Variants in MTMR8 observed in about 807,000 individuals in gnomAD.
MTMR8 encodes the protein myotubularin related protein 8, also known as phosphatidylinositol-3,5-bisphosphate 3-phosphatase MTMR8.
MTMR8 carries 65 observed loss-of-function variants against 39.3 expected under a neutral mutation model. The ratio of observed to expected loss-of-function variants is 1.65; its 90% CI spans 1.35 to 2.03. MTMR8 has a LOEUF of 2.03. Among genes scored for constraint, MTMR8 ranks in the 30% most tolerant of loss-of-function variants. The probability of loss-of-function intolerance (pLI) is 0.00; values close to 1 mark genes in which losing one functional copy is unlikely to be tolerated. For missense variants in MTMR8, 777 were observed against 538.9 expected (o/e 1.44, Z -4.37); for synonymous variants, 245 against 185.2 (o/e 1.32, Z -2.62).
chrX:64,330,673 A>G (rs1922915965), intron 11 of MTMR8, among the ~76,000 whole-genome samples: 1 of 111,832 alleles, frequency 8.9e-6, no homozygotes, highest in Non-Finnish European at 1.9e-5. Flanking sequence ...TCAACTGCCT[A>G]CTAGAACTAG....
intron 12 of MTMR8, among the ~76,000 whole-genome samples, chrX:64,291,616 A>T (rs1303151114): frequency 9.0e-6 from 1 of 111,149 alleles, no homozygotes; most frequent in East Asian, 2.8e-4. Flanking sequence ...ACTCATTACA[A>T]GTGGCAACAA....
At chrX:64,379,196 A>C (rs1450659990) in intron 1 of MTMR8, among the ~76,000 whole-genome samples, 1 of 111,905 alleles carries the variant, frequency 8.9e-6, no homozygotes, top group African/African-American at 3.3e-5. Context: ...GAATTCCACC[A>C]AACAATTAAC....
intron 1 of MTMR8, among the ~76,000 whole-genome samples, chrX:64,386,508 GA>G (rs1339342510): frequency 9.0e-6 from 1 of 111,508 alleles, no homozygotes; most frequent in Admixed American, 9.6e-5. Context: ...ATGGGGATGA[GA>G]GGGGAAAAAC....
intron 9 of MTMR8, 122 bp downstream of exon 9, chrX:64,337,145 GA>G: frequency 1.4e-6 from 1 of 721,925 alleles, no homozygotes; most frequent in Non-Finnish European, 2.0e-6. Flanking sequence ...AGCTAAATTG[GA>G]AAAGCTATTT....
rs147717029 is a variant in MTMR8, at chrX:64,295,504, C to T, written c.1482-24431G>A. 4.9e-3 allele frequency among the ~76,000 whole-genome samples: 543 copies of T among 110,922 alleles called. 3 individuals carry two copies. The highest frequency in any genetic ancestry group is 0.017 in the African/African-American group (520 of 30,510). On this transcript the variant is annotated intron_variant, in intron 12 of 13. Coordinates refer to ENST00000374852, the MANE Select transcript of MTMR8 (RefSeq NM_017677.4). ...TCAAAATTTTGTGCATCAAAAGATA[C>T]TATCAAGAGAATAAAAAGGTAACCA...
chrX:64,278,459 G>GTTTTTTTTT lies in MTMR8; in HGVS notation c.1482-7387_1482-7386insAAAAAAAAA, dbSNP rs1931928205. On this transcript the variant is annotated intron_variant, in intron 12 of 13. Coordinates refer to ENST00000374852, the MANE Select transcript of MTMR8 (RefSeq NM_017677.4). ...TGATGTTGATGCTATTTATTTTGCTGGTTTTTTTTTTTTTTTTTTTTTTTT... is the reference window on the plus strand; with the variant it reads ...TGATGTTGATGCTATTTATTTTGCTGTTTTTTTTTGTTTTTTTTTTTTTTTTTTTTTTTT... Among the ~76,000 whole-genome samples the GTTTTTTTTT allele has an allele frequency of 1.3e-3, 64 of 49,855 alleles. 27 individuals carry two copies. The highest frequency in any genetic ancestry group is 7.3e-3 in the African/African-American group (64 of 8,740). The allele number at this position is 49,855 out of a possible 115,157, so 43.3% of individuals were successfully genotyped here.
chrX:64,378,159 A>G (rs1194782910), intron 1 of MTMR8, among the ~76,000 whole-genome samples: 1 of 112,087 alleles, frequency 8.9e-6, no homozygotes, highest in Non-Finnish European at 1.9e-5. Flanking sequence ...TCCTTACAGC[A>G]ATGCAAGAAA....
intron 12 of MTMR8, among the ~76,000 whole-genome samples, chrX:64,301,380 G>A (rs2147200999): frequency 9.5e-6 from 1 of 105,480 alleles, no homozygotes; most frequent in South Asian, 4.5e-4. Flanking sequence ...GGCTCCTGAG[G>A]CTTCTGCATT....
chrX:64,382,952 A>G (rs2147246871), intron 1 of MTMR8, among the ~76,000 whole-genome samples: 1 of 111,211 alleles, frequency 9.0e-6, no homozygotes, highest in South Asian at 3.8e-4. Flanking sequence ...GCCAAGGATG[A>G]GAACACATTC....
chrX:64,394,690 C>T (rs1049976738), intron 1 of MTMR8, among the ~76,000 whole-genome samples: 1 of 112,038 alleles, frequency 8.9e-6, no homozygotes, highest in Non-Finnish European at 1.9e-5. Flanking sequence ...TCGGGACTGG[C>T]TAAAAACAGG....
intron 12 of MTMR8, among the ~76,000 whole-genome samples, chrX:64,277,564 G>A (rs984533830): frequency 4.5e-5 from 5 of 111,810 alleles, no homozygotes; most frequent in Non-Finnish European, 9.4e-5. Flanking sequence ...GTTGAATATT[G>A]GCCCCCACTC....
intron 12 of MTMR8, among the ~76,000 whole-genome samples, chrX:64,282,810 C>A (rs977739091): frequency 9.0e-6 from 1 of 111,313 alleles, no homozygotes; most frequent in African/African-American, 3.3e-5. Context: ...ATTTGCAAAT[C>A]ATATATCTAG....
intron 1 of MTMR8, among the ~76,000 whole-genome samples, chrX:64,390,830 T>A (rs1054600882): frequency 3.6e-5 from 4 of 110,473 alleles, no homozygotes; most frequent in East Asian, 2.8e-4. Context: ...TAATTTTTTT[T>A]AATTTTTTGT....
chrX:64,321,575 G>C (rs1000037907), intron 12 of MTMR8, among the ~76,000 whole-genome samples: 5 of 111,574 alleles, frequency 4.5e-5, no homozygotes, highest in African/African-American at 1.3e-4. Context: ...AGAGCCTCAG[G>C]GTCCTGTAGA....
In MTMR8 at chrX:64,331,713, A is replaced by C. The variant is rs1278621126; in HGVS notation, c.1196T>G (p.Phe399Cys). The C allele has an allele frequency of 1.7e-6, 2 of 1,209,085 alleles. No homozygotes were observed. The highest frequency in any genetic ancestry group is 2.2e-6 in the Non-Finnish European group (2 of 894,554). Residue 399 changes from phenylalanine to cysteine, a missense_variant, in exon 11 of 14, where the codon TTC becomes TGC. Phe to Cys is a radical substitution (Grantham distance 205). Coordinates refer to ENST00000374852, the MANE Select transcript of MTMR8 (RefSeq NM_017677.4). The stretch of plus-strand genomic sequence containing the variant: ...CCAGATACAGTCTAGGAACTGGGTG[A>C]AGATAGGGGACACTTCTTTAGAGTC... ...DGDSKEVSPIFTQFLDCIWQL... is the reference protein window; with the variant it reads ...DGDSKEVSPICTQFLDCIWQL...
At position 64,365,195 on chromosome X, in the gene MTMR8, T is replaced by C. The variant is rs183627822; in HGVS notation, c.25-5668A>G. On this transcript the variant is annotated intron_variant, in intron 1 of 13. Coordinates refer to ENST00000374852, the MANE Select transcript of MTMR8 (RefSeq NM_017677.4). The stretch of plus-strand genomic sequence containing the variant: ...AGTTGGAAAACACTTTTCAGGATAC[T>C]ATCCAAGGGAAAGTCCCCAACCTAG... Among the ~76,000 whole-genome samples the C allele has an allele frequency of 9.9e-5, 11 of 111,443 alleles. No homozygotes were observed. The South Asian group carries it at 3.8e-3, about 39-fold the overall frequency.
chrX:64,353,194 C>T (rs753145597), intron 4 of MTMR8, among the ~76,000 whole-genome samples: 65 of 111,756 alleles, frequency 5.8e-4, no homozygotes, highest in Non-Finnish European at 1.1e-3. Context: ...AAAGACTTCT[C>T]GAGTAAGACC....
chrX:64,290,393 C>A (rs1921354529), intron 12 of MTMR8, among the ~76,000 whole-genome samples: 1 of 110,554 alleles, frequency 9.0e-6, no homozygotes, highest in Admixed American at 9.7e-5. Flanking sequence ...TTACTTATAA[C>A]ATTTATTACC....
chrX:64,347,917 T>C (rs1923385608), intron 6 of MTMR8, among the ~76,000 whole-genome samples: 1 of 112,073 alleles, frequency 8.9e-6, no homozygotes, highest in South Asian at 3.7e-4. Context: ...GCAATGTTCA[T>C]ATTTGAAAGA....
Sources: allele counts gnomAD v4.1 joint callset (sites outside exome capture counted in the v4.1 genomes callset), GRCh38; gene constraint gnomAD v4.1.1; transcripts MANE v1.5; gene names NCBI Gene and HGNC (gene_info 2026-07-23, HGNC 2026-07-21).